The following TSC2 variants were observed in gnomAD, a reference collection of about 807,000 sequenced individuals.
TSC2 encodes the protein TSC complex subunit 2.
A neutral mutation model predicts 202.2 loss-of-function variants in TSC2; 29 were observed. The ratio of observed to expected loss-of-function variants is 0.14; its 90% CI spans 0.11 to 0.20. The LOEUF (loss-of-function observed/expected upper bound fraction) is 0.20, where lower values mean the gene tolerates loss of function less well. Among genes scored for constraint, TSC2 ranks in the 10% least tolerant of loss-of-function variants. The pLI is 1.00. For synonymous variants in TSC2, 1,349 were observed against 1,044.0 expected, an observed-to-expected ratio of 1.29 and a Z score of -5.63; for missense variants, 2,429 against 2,420.0, an observed-to-expected ratio of 1.00 and a Z score of -0.08.
Position 2,071,337 on chromosome 16 carries a change from C to T in TSC2, c.1840-173C>T, listed in dbSNP as rs867417359. On this transcript the variant is annotated intron_variant, in intron 17 of 41. Transcript: ENST00000219476. ...GAGGAGGCTGTGGGTGCTGGGCCTC[C>T]GGTGTCACCAGGACAGAGCCTGTGT... 6.8e-5 allele frequency: 47 copies of T among 692,972 alleles called. No homozygotes were observed. In the Admixed American group the frequency reaches 7.3e-4, roughly 11 times the overall value. The allele number at this position is 692,972 out of a possible 1,614,324, so 42.9% of individuals were successfully genotyped here. A position where few individuals can be genotyped will look rare whatever the true frequency, so the allele number is the denominator to read the frequency against.
At position 2,088,099 on chromosome 16, in the gene TSC2, A is replaced by G. The variant is rs772439098; in HGVS notation, c.5120A>G (p.Asn1707Ser). Residue 1707 changes from asparagine to serine, a missense_variant, in exon 40 of 42, where the codon AAC becomes AGC. Physicochemically the swap from Asn to Ser is conservative, Grantham distance 46. Transcript: ENST00000219476. ...GTGGCCAAGATCGTGTCTGACCGCA[A>G]CCTGCCCTTCGTGGCCCGCCAGATG... ...TSVAKIVSDRNLPFVARQMAL... is the reference protein window; with the variant it reads ...TSVAKIVSDRSLPFVARQMAL... 24 of 1,612,806 alleles carry G rather than the reference A, an allele frequency of 1.5e-5. No homozygotes were observed. The highest frequency in any genetic ancestry group is 2.2e-5 in the East Asian group (1 of 44,878).
In TSC2 at chr16:2,086,770, G is replaced by A. The variant is rs886051796; in HGVS notation, c.4888G>A (p.Val1630Met). ...CGCCACCCTGATGCCCACCAAGGAC[G>A]TGGACAAGCACCGCTGCGACAAGAA... ...HIATLMPTKD[V>M]DKHRCDKKRH... is the part of the protein sequence containing the mutation. Residue 1630 changes from valine (V) to methionine (M), a missense_variant, in exon 38 of 42, where the codon GTG becomes ATG. Physicochemically the swap from Val to Met is conservative, Grantham distance 21. Coordinates refer to ENST00000219476, the MANE Select transcript of TSC2 (RefSeq NM_000548.5). 1.6e-5 allele frequency: 25 copies of A among 1,611,178 alleles called. No homozygotes were observed. Among genetic ancestry groups the A allele is most frequent in the South Asian group, 2.2e-5 (2 of 91,012 alleles).
chr16:2,088,209 C>T lies in TSC2; in HGVS notation c.5161-18C>T, dbSNP rs747362965. On this transcript the variant is annotated intron_variant, in intron 40 of 41. Coordinates refer to ENST00000219476, the MANE Select transcript of TSC2 (RefSeq NM_000548.5). The stretch of plus-strand genomic sequence containing the variant: ...GGTGCCACCTGATAGTGAGCTCACC[C>T]CCTGCCTACGTCCCCAGATGGCCTC... 3 of 1,612,996 alleles carry T rather than the reference C, an allele frequency of 1.9e-6. No homozygotes were observed. Among genetic ancestry groups the T allele is most frequent in the Admixed American group, 1.7e-5 (1 of 60,006 alleles).
chr16:2,074,612 C>T (rs1321082939), intron 22 of TSC2: 5 of 611,328 alleles, frequency 8.2e-6, no homozygotes, highest in Non-Finnish European at 1.5e-5. Flanking sequence ...GAACGCTCCT[C>T]CTTGAAGAAG....
intron 6 of TSC2, 32 bp downstream of exon 6, chr16:2,055,551 A>G: frequency 1.3e-6 from 2 of 1,591,754 alleles, no homozygotes; most frequent in Non-Finnish European, 1.7e-6. Flanking sequence ...TGTTCTGATA[A>G]TGGTCCTAAG....
At chr16:2,068,102 C>T (rs954874826) in intron 16 of TSC2, among the ~76,000 whole-genome samples, 1 of 152,142 alleles carries the variant, frequency 6.6e-6, no homozygotes, top group Non-Finnish European at 1.5e-5. Flanking sequence ...TGCAGCGGCA[C>T]GATCTCACCT....
rs368452156 is a variant in TSC2 at position 2,088,803 on chromosome 16, T to C, written c.*193T>C. On this transcript the variant is annotated 3_prime_UTR_variant, in exon 42 of 42. Transcript: ENST00000219476. ...GAAGCGGCCATGCCCACAGAAGTGG[T>C]ACACAGAAGCAGGCACAGCCAGCTC... The C allele has an allele frequency of 2.0e-4, 152 of 754,198 alleles. No individual in the cohort carries two copies. In the East Asian group the frequency reaches 3.9e-3, roughly 19 times the overall value. 46.7% of individuals were successfully genotyped at this position (754,198 alleles called of 1,614,324 possible). A position where few individuals can be genotyped will look rare whatever the true frequency, so the allele number is the denominator to read the frequency against.
At chr16:2,083,307 G>C (rs1338366194) in intron 32 of TSC2, 3 of 457,696 alleles carry the variant, frequency 6.6e-6, no homozygotes, top group South Asian at 1.6e-5. Flanking sequence ...CTTCCCCCAC[G>C]TCACGGAGTC....
At position 2,088,863 on chromosome 16, in the gene TSC2, A is replaced by ACT; in HGVS notation, c.*255_*256dup. ...TGAGGCTGCCTGGGCCATACAGCAC[A>ACT]CTCGCGCGTGCGCGCGCGCACACAC... On this transcript the variant is annotated 3_prime_UTR_variant, in exon 42 of 42. Transcript: ENST00000219476. 1.8e-6 allele frequency: 1 copy of ACT among 542,326 alleles called. No individual in the cohort carries two copies. Among genetic ancestry groups the ACT allele is most frequent in the Admixed American group, 3.3e-5 (1 of 30,536 alleles). The allele number at this position is 542,326 out of a possible 1,614,324, so 33.6% of individuals were successfully genotyped here.
In TSC2 at chr16:2,063,397, T is replaced by A. The variant is rs1393800079; in HGVS notation, c.1443+344T>A. The A allele has an allele frequency of 6.7e-6, 3 of 448,848 alleles. No homozygotes were observed. The East Asian group carries it at 1.3e-4, about 20-fold the overall frequency. 27.8% of individuals were successfully genotyped at this position (448,848 alleles called of 1,614,324 possible). On this transcript the variant is annotated intron_variant, in intron 14 of 41. Transcript: ENST00000219476. ...ATGGGGACATTGTCTTCCGTTTCAG[T>A]CCTGACGTTCACCCTGTGCACCTGC...
intron 14 of TSC2, chr16:2,063,939 C>T (rs1479181540): frequency 5.7e-5 from 25 of 439,578 alleles, no homozygotes; most frequent in South Asian, 1.9e-4. Context: ...CACGCACACA[C>T]GCACAGCACC....
chr16:2,080,214 C>A lies in TSC2; in HGVS notation c.3447C>A (p.Phe1149Leu), dbSNP rs1265832990. 2 of 1,612,978 alleles carry A rather than the reference C, an allele frequency of 1.2e-6. No individual in the cohort carries two copies. Among genetic ancestry groups the A allele is most frequent in the East Asian group, 2.2e-5 (1 of 44,876 alleles). Residue 1149 changes from phenylalanine (F) to leucine (L), a missense_variant, in exon 30 of 42, where the codon TTC (phenylalanine) becomes TTA (leucine). Transcript: ENST00000219476. Reference protein sequence around the residue: ...VGALDVPASQFLGSATSPGPR... With the variant: ...VGALDVPASQLLGSATSPGPR... ...CCCTGGACGTGCCGGCCTCCCAGTT[C>A]CTGGGCAGTGCCACTTCTCCAGGAC... is the stretch of plus-strand genomic sequence containing the variant.
chr16:2,086,411 C>T (rs778362092), intron 37 of TSC2, 32 bp downstream of exon 37: 34 of 1,605,562 alleles, frequency 2.1e-5, no homozygotes, highest in African/African-American at 2.7e-5. Context: ...CTCCTGCTGC[C>T]CCAGGCCTCA....
At position 2,083,835 on chromosome 16, in the gene TSC2, C is replaced by G. The variant is rs558058715; in HGVS notation, c.4005+19C>G. 2 of 1,606,130 alleles carry G rather than the reference C, an allele frequency of 1.2e-6. No homozygotes were observed. Among genetic ancestry groups the G allele is most frequent in the African/African-American group, 1.3e-5 (1 of 75,010 alleles). On this transcript the variant is annotated intron_variant, in intron 33 of 41. Coordinates refer to ENST00000219476, the MANE Select transcript of TSC2 (RefSeq NM_000548.5). Reference sequence around the variant, plus strand: ...CAGCAGGGTGAGTGTGGCTCAGAGCCTGGACCCTGCTGACCTCGGGGGGCT... The same window carrying G: ...CAGCAGGGTGAGTGTGGCTCAGAGCGTGGACCCTGCTGACCTCGGGGGGCT...
chr16:2,060,183 TGTCC>T (rs2086455572), intron 10 of TSC2, among the ~76,000 whole-genome samples: 1 of 152,216 alleles, frequency 6.6e-6, no homozygotes, highest in Non-Finnish European at 1.5e-5. Context: ...GCGCTTTTTG[TGTCC>T]GTCCTCGTTC....
intron 20 of TSC2, 24 bp downstream of exon 20, chr16:2,072,387 G>T (rs772790001): frequency 3.1e-6 from 5 of 1,613,186 alleles, no homozygotes; most frequent in Admixed American, 1.7e-5. Context: ...CCTGGGGTTG[G>T]GGTGGGGGAC....
Position 2,057,185 on chromosome 16 carries a change from G to T in TSC2, c.848+7G>T. 1 of 1,551,682 alleles carries T rather than the reference G, an allele frequency of 6.4e-7. No individual in the cohort carries two copies. The highest frequency in any genetic ancestry group is 1.2e-5 in the South Asian group (1 of 84,086). On this transcript the variant is annotated splice_region_variant and intron_variant, in intron 9 of 41. Coordinates refer to ENST00000219476, the MANE Select transcript of TSC2 (RefSeq NM_000548.5). ...GCCACCTCATGGAGGACAGGTGAGT[G>T]TGGTGGGTGGGGCGCAGGGCAGTGG... is the stretch of plus-strand genomic sequence containing the variant.
At chr16:2,087,147 G>T (rs1266222068) in intron 38 of TSC2, 2 of 523,208 alleles carry the variant, frequency 3.8e-6, no homozygotes, top group Middle Eastern at 5.5e-4. Context: ...GGTGCTTCCT[G>T]TCTGTCCGGC....
At chr16:2,061,392 C>T (rs536769540) in intron 11 of TSC2, 43 of 304,822 alleles carry the variant, frequency 1.4e-4, no homozygotes, top group South Asian at 1.1e-3. Flanking sequence ...CAGAGCCTGT[C>T]GCTGGGCCAG....
Sources: allele counts gnomAD v4.1 joint callset (sites outside exome capture counted in the v4.1 genomes callset), GRCh38; gene constraint gnomAD v4.1.1; transcripts MANE v1.5; gene names NCBI Gene and HGNC (gene_info 2026-07-23, HGNC 2026-07-21).